The following PDE10A variants were observed in gnomAD, a reference collection of about 807,000 sequenced individuals.
PDE10A encodes the protein phosphodiesterase 10A, also known as cAMP and cAMP-inhibited cGMP 3',5'-cyclic phosphodiesterase 10A.
PDE10A carries 39 observed loss-of-function variants against 97.7 expected under a neutral mutation model. That is an observed-to-expected ratio of 0.40 (90% CI 0.31 to 0.52). The LOEUF (loss-of-function observed/expected upper bound fraction) is 0.52, where lower values mean the gene tolerates loss of function less well. Among genes scored for constraint, PDE10A ranks in the 20% least tolerant of loss-of-function variants. The pLI, the probability that PDE10A is intolerant of heterozygous loss-of-function variation, is 0.56. For synonymous variants in PDE10A, 371 were observed against 376.8 expected, an observed-to-expected ratio of 0.98 and a Z score of 0.18; for missense variants, 731 against 1,047.8, an observed-to-expected ratio of 0.70 and a Z score of 4.17.
At chr6:165,646,135 G>T (rs139274162) in intron 1 of PDE10A, among the ~76,000 whole-genome samples, 14 of 152,294 alleles carry the variant, frequency 9.2e-5, no homozygotes, top group Admixed American at 2.0e-4. Context: ...GAGGGCAAAG[G>T]CCTCACTGCA....
In PDE10A at chr6:165,536,833, G is replaced by A. The variant is rs115489047; in HGVS notation, c.994+6607C>T. On this transcript the variant is annotated intron_variant, in intron 2 of 21. Transcript: ENST00000539869. Reference sequence around the variant, plus strand: ...TGCTGGCGAAGAAAGGGGAATGCTCGTACGCTATTGGTAGGAATGTAAATT... The same window carrying A: ...TGCTGGCGAAGAAAGGGGAATGCTCATACGCTATTGGTAGGAATGTAAATT... Among the ~76,000 whole-genome samples the A allele has an allele frequency of 9.1e-3, 1,390 of 151,940 alleles. 21 individuals are homozygous for A. Among genetic ancestry groups the A allele is most frequent in the African/African-American group, 0.031 (1,300 of 41,534 alleles).
At chr6:165,555,244 C>G (rs766087501) in intron 1 of PDE10A, among the ~76,000 whole-genome samples, 1 of 152,158 alleles carries the variant, frequency 6.6e-6, no homozygotes. Context: ...GCTTCTTTCA[C>G]ATTGCATGCC....
chr6:165,871,398 G>A (rs1196685614), intron 1 of PDE10A, among the ~76,000 whole-genome samples: 1 of 152,196 alleles, frequency 6.6e-6, no homozygotes, highest in African/African-American at 2.4e-5. Flanking sequence ...ATGAAGTGGT[G>A]GGGATGAGTC....
At chr6:165,335,972 G>C (rs1781619684) in intron 21 of PDE10A, 151 bp downstream of exon 21, 1 of 685,194 alleles carries the variant, frequency 1.5e-6, no homozygotes, top group Non-Finnish European at 2.6e-6. Flanking sequence ...CCCTGGGGAA[G>C]CCAGGTAAGG....
At position 165,943,310 on chromosome 6, in the gene PDE10A, G is replaced by GAAAA. The variant is rs1562810081; in HGVS notation, c.-615+44218_-615+44219insTTTT. The stretch of plus-strand genomic sequence containing the variant: ...AAGAAAGAAGGAAAGAAAGAAAGAA[G>GAAAA]GAAGGAAGGAAAGAAAGAAAAAGAA... On this transcript the variant is annotated intron_variant, in intron 1 of 19. Transcript: ENST00000366882. Among the ~76,000 whole-genome samples the GAAAA allele has an allele frequency of 9.0e-5, 5 of 55,678 alleles. 1 individual carries two copies. Among genetic ancestry groups the GAAAA allele is most frequent in the Non-Finnish European group, 1.7e-4 (5 of 30,288 alleles). 36.5% of individuals were successfully genotyped at this position (55,678 alleles called of 152,430 possible).
chr6:165,907,648 G>T (rs1188378325), intron 1 of PDE10A, among the ~76,000 whole-genome samples: 1 of 152,230 alleles, frequency 6.6e-6, no homozygotes, highest in Non-Finnish European at 1.5e-5. Flanking sequence ...TGCCATCGTG[G>T]TTTGTGAAAT....
intron 2 of PDE10A, among the ~76,000 whole-genome samples, chr6:165,542,175 A>C (rs775966400): frequency 2.4e-4 from 36 of 152,230 alleles, no homozygotes; most frequent in Non-Finnish European, 2.5e-4. Context: ...CAGAGCTTAA[A>C]GTATAATTTA....
rs148337185 is a variant in PDE10A at position 165,880,946 on chromosome 6, A to C, written c.-615+106583T>G. Reference sequence around the variant, plus strand: ...ATATGTTTCTAATTCCTTTATACTTAACTCATCATTTTGTCATTTCATAAG... The same window carrying C: ...ATATGTTTCTAATTCCTTTATACTTCACTCATCATTTTGTCATTTCATAAG... On this transcript the variant is annotated intron_variant, in intron 1 of 19. Coordinates refer to the PDE10A transcript ENST00000366882. Among the ~76,000 whole-genome samples, 85 of 152,332 alleles carry C rather than the reference A, an allele frequency of 5.6e-4. 1 individual carries two copies. Among genetic ancestry groups the C allele is most frequent in the African/African-American group, 2.0e-3 (82 of 41,580 alleles).
At chr6:165,395,999 C>T (rs1583190496) in intron 14 of PDE10A, among the ~76,000 whole-genome samples, 4 of 152,116 alleles carry the variant, frequency 2.6e-5, no homozygotes, top group Non-Finnish European at 2.9e-5. Flanking sequence ...TTGATATCTT[C>T]TGTTAAATGC....
chr6:165,824,904 T>G (rs1169057532), intron 1 of PDE10A, among the ~76,000 whole-genome samples: 1 of 139,960 alleles, frequency 7.1e-6, no homozygotes, highest in Non-Finnish European at 1.5e-5. Context: ...CCGAGGCAGG[T>G]GGATCCACCT....
intron 16 of PDE10A, among the ~76,000 whole-genome samples, chr6:165,389,311 G>C (rs1323851412): frequency 6.6e-6 from 1 of 152,202 alleles, no homozygotes. Context: ...AGGAGGATGA[G>C]AGATCAGTGA....
At chr6:165,958,856 G>T (rs1279341912) in intron 1 of PDE10A, among the ~76,000 whole-genome samples, 1 of 152,164 alleles carries the variant, frequency 6.6e-6, no homozygotes, top group Non-Finnish European at 1.5e-5. Flanking sequence ...CTCCGGCAGT[G>T]CTTCCTCCCC....
At chr6:165,894,287 T>C (rs1781881744) in intron 1 of PDE10A, 1 of 455,908 alleles carries the variant, frequency 2.2e-6, no homozygotes. Context: ...CCCGAGAAGA[T>C]GTGTTGATCC....
chr6:165,776,119 C>G (rs1042592331), intron 1 of PDE10A, among the ~76,000 whole-genome samples: 1 of 152,160 alleles, frequency 6.6e-6, no homozygotes. Context: ...AATAGCCAAA[C>G]TGTTTCTTCA....
At position 165,943,327 on chromosome 6, in the gene PDE10A, G is replaced by GA. The variant is rs66686171; in HGVS notation, c.-615+44201dup. ...AGAAAGAAGGAAGGAAGGAAAGAAA[G>GA]AAAAAGAAAGAAAGAAAAGAGAAAG... On this transcript the variant is annotated intron_variant, in intron 1 of 19. Transcript: ENST00000366882. 6.9e-5 allele frequency among the ~76,000 whole-genome samples: 5 copies of GA among 72,556 alleles called. 1 individual carries two copies. Among genetic ancestry groups the GA allele is most frequent in the African/African-American group, 1.4e-4 (2 of 14,556 alleles). The allele number at this position is 72,556 out of a possible 152,430, so 47.6% of individuals were successfully genotyped here. A position where few individuals can be genotyped will look rare whatever the true frequency, so the allele number is the denominator to read the frequency against.
At chr6:165,515,433 A>G in intron 2 of PDE10A, among the ~76,000 whole-genome samples, 1 of 152,008 alleles carries the variant, frequency 6.6e-6, no homozygotes, top group Non-Finnish European at 1.5e-5. Flanking sequence ...ATACTTTTAT[A>G]TAAAATTATT....
At chr6:165,749,188 T>TCACTACCATCACCATCACC (rs1792911540) in intron 1 of PDE10A, among the ~76,000 whole-genome samples, 1 of 1,752 alleles carries the variant, frequency 5.7e-4, no homozygotes, top group African/African-American at 2.2e-3. Flanking sequence ...ACACTATCAC[T>TCACTACCATCACCATCACC]GTCATCACCA....
chr6:165,464,295 C>T (rs747706033), intron 3 of PDE10A, among the ~76,000 whole-genome samples: 9 of 152,250 alleles, frequency 5.9e-5, no homozygotes, highest in Non-Finnish European at 1.2e-4. Context: ...GATGAAAAAC[C>T]ATGACTCATT....
intron 1 of PDE10A, among the ~76,000 whole-genome samples, chr6:165,836,889 T>C (rs1780076081): frequency 6.6e-6 from 1 of 152,070 alleles, no homozygotes; most frequent in African/African-American, 2.4e-5. Flanking sequence ...TGAGTTCATG[T>C]CGTTTGTAGG....
Sources: allele counts gnomAD v4.1 joint callset (sites outside exome capture counted in the v4.1 genomes callset), GRCh38; gene constraint gnomAD v4.1.1; transcripts MANE v1.5; gene names NCBI Gene and HGNC (gene_info 2026-07-23, HGNC 2026-07-21).